TRIM71: variants seen among roughly 807,000 people sequenced by gnomAD.
The protein encoded by TRIM71 is tripartite motif containing 71, also known as E3 ubiquitin-protein ligase TRIM71.
TRIM71 carries 9 observed loss-of-function variants against 61.2 expected under a neutral mutation model. The observed-to-expected ratio is 0.15, with a 90% CI of 0.09 to 0.26. The LOEUF is 0.26. Ranked by LOEUF, TRIM71 falls within the 10% of genes least tolerant of loss-of-function variation. The probability of loss-of-function intolerance (pLI) is 1.00; values close to 1 mark genes in which losing one functional copy is unlikely to be tolerated. For synonymous variants in TRIM71, 645 were observed against 553.2 expected (o/e 1.17, Z -2.33); for missense variants, 998 against 1,238.7 (o/e 0.81, Z 2.92).
chr3:32,862,869 G>A (rs1162984618), intron 1 of TRIM71, among the ~76,000 whole-genome samples: 1 of 152,090 alleles, frequency 6.6e-6, no homozygotes, highest in Non-Finnish European at 1.5e-5. Flanking sequence ...CTGTAAATCG[G>A]GACTCAGGGT....
At chr3:32,849,231 A>G (rs1287691668) in intron 1 of TRIM71, among the ~76,000 whole-genome samples, 1 of 152,162 alleles carries the variant, frequency 6.6e-6, no homozygotes, top group African/African-American at 2.4e-5. Flanking sequence ...ACATTGTTTC[A>G]TGGTGAAGGT....
At chr3:32,889,405 G>C (rs558105516) in intron 3 of TRIM71, among the ~76,000 whole-genome samples, 2 of 152,062 alleles carry the variant, frequency 1.3e-5, no homozygotes, top group African/African-American at 4.8e-5. Context: ...AGCTTCCCGA[G>C]TAGCTGGGAT....
chr3:32,831,301 G>A (rs1408194669), intron 1 of TRIM71, among the ~76,000 whole-genome samples: 1 of 146,704 alleles, frequency 6.8e-6, no homozygotes, highest in Non-Finnish European at 1.5e-5. Context: ...TCACTTAACT[G>A]ACTTGATTTC....
At chr3:32,863,330 G>C (rs1696694994) in intron 1 of TRIM71, among the ~76,000 whole-genome samples, 1 of 148,824 alleles carries the variant, frequency 6.7e-6, no homozygotes. Context: ...TTCTGCCTCA[G>C]CTGTGACTAT....
intron 1 of TRIM71, among the ~76,000 whole-genome samples, chr3:32,822,907 C>T (rs369011381): frequency 6.6e-6 from 1 of 151,942 alleles, no homozygotes; most frequent in Non-Finnish European, 1.5e-5. Context: ...AATTGGAATC[C>T]GATTGATTCA....
intron 2 of TRIM71, among the ~76,000 whole-genome samples, chr3:32,885,063 C>T (rs902922970): frequency 2.6e-5 from 4 of 152,172 alleles, no homozygotes; most frequent in African/African-American, 9.6e-5. Flanking sequence ...AGTCCCACAT[C>T]CCAGAAACCC....
In TRIM71 at chr3:32,818,422, C is replaced by T. The variant is rs1350905241; in HGVS notation, c.342C>T (p.Phe114=). The change falls in exon 1 of 4, where the codon TTC becomes TTT. Residue 114 remains phenylalanine (F), a synonymous_variant. Transcript: ENST00000383763. ...TGGACGCGCTGCCTTCGTCCGCCTT[C>T]CTGCTTAGCAACCTGCTCGACGCGG... ...AGMDALPSSA[F]LLSNLLDAVV... is the part of the protein sequence containing the mutation. The T allele has an allele frequency of 3.4e-6, 5 of 1,476,608 alleles. No homozygotes were observed. The highest frequency in any genetic ancestry group is 2.9e-5 in the African/African-American group (2 of 68,056). 91.5% of individuals were successfully genotyped at this position (1,476,608 alleles called of 1,614,324 possible).
rs549267865 is a variant in TRIM71, at chr3:32,846,491, T to G, written c.853-27327T>G. 2.8e-4 allele frequency among the ~76,000 whole-genome samples: 42 copies of G among 152,334 alleles called. 1 individual carries two copies. In the South Asian group the frequency reaches 5.4e-3, roughly 20 times the overall value. Reference sequence around the variant, plus strand: ...ATATTAAGGTAATTAACTTAGATACTTATGTTTTTTGTAATGATAATGTTT... The same window carrying G: ...ATATTAAGGTAATTAACTTAGATACGTATGTTTTTTGTAATGATAATGTTT... On this transcript the variant is annotated intron_variant, in intron 1 of 3. Transcript: ENST00000383763.
At chr3:32,856,253 G>A (rs1462323871) in intron 1 of TRIM71, among the ~76,000 whole-genome samples, 4 of 152,026 alleles carry the variant, frequency 2.6e-5, no homozygotes, top group African/African-American at 7.2e-5. Context: ...TCCTGACCTC[G>A]TGATCCGCCT....
intron 1 of TRIM71, among the ~76,000 whole-genome samples, chr3:32,848,271 G>A (rs898538915): frequency 3.9e-5 from 6 of 152,206 alleles, no homozygotes; most frequent in Admixed American, 6.5e-5. Context: ...TATATGGTGA[G>A]TTTTGACAGT....
At chr3:32,847,694 C>CA (rs746243977) in intron 1 of TRIM71, among the ~76,000 whole-genome samples, 4 of 152,166 alleles carry the variant, frequency 2.6e-5, no homozygotes, top group Admixed American at 6.5e-5. Context: ...CAGTTAAATG[C>CA]AGGCCTTTCC....
At chr3:32,883,263 A>G (rs533705360) in intron 2 of TRIM71, among the ~76,000 whole-genome samples, 1 of 152,290 alleles carries the variant, frequency 6.6e-6, no homozygotes, top group East Asian at 1.9e-4. Context: ...GGTAATGTGG[A>G]TGTAATATCT....
chr3:32,886,109 G>T (rs1484018348), intron 3 of TRIM71, 41 bp downstream of exon 3: 2 of 1,587,968 alleles, frequency 1.3e-6, no homozygotes, highest in Non-Finnish European at 8.6e-7. Context: ...TGCCCACTCG[G>T]CTTCCATGAA....
At position 32,818,863 on chromosome 3, in the gene TRIM71, C is replaced by A; in HGVS notation, c.783C>A (p.Pro261=). 2 of 1,612,398 alleles carry A rather than the reference C, an allele frequency of 1.2e-6. No homozygotes were observed. Among genetic ancestry groups the A allele is most frequent in the South Asian group, 1.1e-5 (1 of 91,058 alleles). ...AQQLGLGPPF[P]GPPFSILSVF... ...AGCTCGGGCTCGGGCCGCCCTTTCC[C>A]GGCCCGCCCTTCTCCATCCTCTCAG... Residue 261 remains proline (P), a synonymous_variant, in exon 1 of 4, where the codon CCC becomes CCA. Coordinates refer to ENST00000383763, the MANE Select transcript of TRIM71 (RefSeq NM_001039111.3).
chr3:32,823,887 C>T lies in TRIM71; in HGVS notation c.852+4955C>T, dbSNP rs146862656. On this transcript the variant is annotated intron_variant, in intron 1 of 3. Transcript: ENST00000383763. ...AAGAGATCGAGACCATCCTGGCCAA[C>T]ATGGTGAAACCCTGTCTCTACTAAA... Among the ~76,000 whole-genome samples, 391 of 152,256 alleles carry T rather than the reference C, an allele frequency of 2.6e-3. 2 individuals are homozygous for T. The highest frequency in any genetic ancestry group is 8.6e-3 in the African/African-American group (358 of 41,542).
chr3:32,823,198 G>C (rs114344702), intron 1 of TRIM71, among the ~76,000 whole-genome samples: 13 of 152,186 alleles, frequency 8.5e-5, no homozygotes, highest in African/African-American at 3.1e-4. Context: ...AAAATATATG[G>C]GAGGGAAATG....
chr3:32,844,608 G>T (rs1010742146), intron 1 of TRIM71, among the ~76,000 whole-genome samples: 1 of 152,086 alleles, frequency 6.6e-6, no homozygotes, highest in Non-Finnish European at 1.5e-5. Context: ...GACCCACCGA[G>T]CCTGGCCAAT....
intron 1 of TRIM71, among the ~76,000 whole-genome samples, chr3:32,864,571 G>T (rs114161785): frequency 1.1e-3 from 172 of 152,352 alleles, no homozygotes; most frequent in African/African-American, 4.0e-3. Context: ...TGTGGAGGAC[G>T]TGTTGTTTAT....
intron 1 of TRIM71, among the ~76,000 whole-genome samples, chr3:32,865,481 C>G (rs1487462719): frequency 6.6e-6 from 1 of 152,148 alleles, no homozygotes; most frequent in Non-Finnish European, 1.5e-5. Context: ...CAGCAAGAGA[C>G]ATATTCATGA....
Sources: allele counts gnomAD v4.1 joint callset (sites outside exome capture counted in the v4.1 genomes callset), GRCh38; gene constraint gnomAD v4.1.1; transcripts MANE v1.5; gene names NCBI Gene and HGNC (gene_info 2026-07-23, HGNC 2026-07-21).